DDAH1: variants seen among roughly 807,000 people sequenced by gnomAD.
DDAH1 encodes dimethylarginine dimethylaminohydrolase 1.
Under a neutral mutation model 28.8 loss-of-function variants are expected in DDAH1, and 19 were observed. The observed-to-expected ratio is 0.66, with a 90% confidence interval of 0.46 to 0.97. The LOEUF (loss-of-function observed/expected upper bound fraction) is 0.97, where lower values mean the gene tolerates loss of function less well. Among genes scored for constraint, DDAH1 ranks in the 50% least tolerant of loss-of-function variants. The probability of loss-of-function intolerance (pLI) is 0.00; values close to 1 mark genes in which losing one functional copy is unlikely to be tolerated. For synonymous variants in DDAH1, 153 were observed against 154.4 expected (o/e 0.99, Z 0.07); for missense variants, 326 against 375.9 (o/e 0.87, Z 1.10).
At chr1:85,506,280 G>A (rs527942236) in intron 1 of DDAH1, among the ~76,000 whole-genome samples, 3 of 152,170 alleles carry the variant, frequency 2.0e-5, no homozygotes, top group African/African-American at 7.2e-5. Flanking sequence ...AGAGAAGGAA[G>A]AATGACAAAG....
upstream of DDAH1, chr1:85,467,774 T>C (rs1294095776): frequency 6.6e-6 from 1 of 152,254 alleles, no homozygotes; most frequent in Non-Finnish European, 1.5e-5. Flanking sequence ...GAATATTTAT[T>C]GAAAATTCCC....
At chr1:85,449,625 T>C (rs1179704054) in intron 1 of DDAH1, among the ~76,000 whole-genome samples, 2 of 152,106 alleles carry the variant, frequency 1.3e-5, no homozygotes, top group African/African-American at 4.8e-5. Flanking sequence ...GGATAAACGA[T>C]ACTGCTGTTG....
rs74098816 is a variant in DDAH1 at position 85,400,544 on chromosome 1, T to A, written c.304-41697A>T. On this transcript the variant is annotated intron_variant, in intron 1 of 5. Coordinates refer to ENST00000284031, the MANE Select transcript of DDAH1 (RefSeq NM_012137.4). ...CTAAAATGTACATCTAATTAGAGAG[T>A]TTACTTTCTATAATATTGAATTAAC... Among the ~76,000 whole-genome samples, 1,024 of 152,110 alleles carry A rather than the reference T, an allele frequency of 6.7e-3. 11 individuals are homozygous for A. Among genetic ancestry groups the A allele is most frequent in the African/African-American group, 0.023 (969 of 41,488 alleles).
intron 2 of DDAH1, among the ~76,000 whole-genome samples, chr1:85,481,099 T>G (rs12732374): frequency 1.5e-3 from 40 of 26,686 alleles, no homozygotes; most frequent in Non-Finnish European, 2.5e-3. Flanking sequence ...GGGTTTTTTG[T>G]TTTTTTTTTT....
intron 2 of DDAH1, among the ~76,000 whole-genome samples, chr1:85,479,469 G>A (rs1655928228): frequency 6.6e-6 from 1 of 152,208 alleles, no homozygotes; most frequent in East Asian, 1.9e-4. Flanking sequence ...CACCGCGCCT[G>A]GCCCTGTTTT....
chr1:85,556,076 G>T (rs1658954896), intron 1 of DDAH1, among the ~76,000 whole-genome samples: 1 of 118,168 alleles, frequency 8.5e-6, no homozygotes, highest in South Asian at 2.4e-4. Context: ...CACCACCGCC[G>T]CCGCCTCCTC....
At chr1:85,516,856 C>A (rs571999433) in intron 1 of DDAH1, among the ~76,000 whole-genome samples, 1 of 152,144 alleles carries the variant, frequency 6.6e-6, no homozygotes, top group South Asian at 2.1e-4. Context: ...CTAAGTAGTT[C>A]TGTGTTTAGT....
Position 85,445,018 on chromosome 1 carries a change from C to T in DDAH1, c.303+19725G>A, listed in dbSNP as rs1351241822. ...ATGTTCTAGGGCAGGAAGCATCGCG[C>T]ACAGGAGAAAGATGTAGGCTGGGAG... On this transcript the variant is annotated intron_variant, in intron 1 of 5. Coordinates refer to ENST00000284031, the MANE Select transcript of DDAH1 (RefSeq NM_012137.4). Among the ~76,000 whole-genome samples, 3 of 152,176 alleles carry T rather than the reference C, an allele frequency of 2.0e-5. No individual in the cohort carries two copies. In the East Asian group the frequency reaches 5.8e-4, roughly 29 times the overall value.
rs557734743 is a variant in DDAH1, at chr1:85,525,164, T to C, written c.-122-28883A>G. Among the ~76,000 whole-genome samples, 355 of 151,954 alleles carry C rather than the reference T, an allele frequency of 2.3e-3. 2 individuals carry two copies. Among genetic ancestry groups the C allele is most frequent in the African/African-American group, 8.2e-3 (338 of 41,452 alleles). ...TGTAGAAATGCTGGAGATGCTGACT[T>C]TTTTTTCTTTATCGAATTGACTATT... On this transcript the variant is annotated intron_variant, in intron 1 of 6. Coordinates refer to the DDAH1 transcript ENST00000426972.
intron 2 of DDAH1, among the ~76,000 whole-genome samples, chr1:85,487,102 T>G (rs1028087604): frequency 1.3e-5 from 2 of 152,226 alleles, no homozygotes; most frequent in Admixed American, 1.3e-4. Flanking sequence ...TTTGTGTTCT[T>G]GGAAGAGAAA....
intron 1 of DDAH1, among the ~76,000 whole-genome samples, chr1:85,368,387 G>T (rs748001560): frequency 6.6e-6 from 1 of 152,150 alleles, no homozygotes; most frequent in Non-Finnish European, 1.5e-5. Flanking sequence ...TCATTATCTG[G>T]AGAATACACT....
intron 1 of DDAH1, among the ~76,000 whole-genome samples, chr1:85,414,586 T>C (rs1236550140): frequency 6.6e-6 from 1 of 152,106 alleles, no homozygotes; most frequent in East Asian, 1.9e-4. Context: ...AACAACTCAA[T>C]AGAAAAATGG....
chr1:85,365,268 A>G (rs1257927231), intron 1 of DDAH1, among the ~76,000 whole-genome samples: 1 of 152,188 alleles, frequency 6.6e-6, no homozygotes, highest in African/African-American at 2.4e-5. Context: ...CTAACCAACA[A>G]ATTTAGGTAT....
At chr1:85,378,016 T>A (rs978354252) in intron 1 of DDAH1, among the ~76,000 whole-genome samples, 2 of 152,188 alleles carry the variant, frequency 1.3e-5, no homozygotes, top group Admixed American at 1.3e-4. Context: ...TTATTGGACT[T>A]CATTCCTTAT....
At chr1:85,570,364 T>TCTCACACACA (rs1553149612) in intron 1 of DDAH1, among the ~76,000 whole-genome samples, 1 of 145,468 alleles carries the variant, frequency 6.9e-6, no homozygotes, top group Non-Finnish European at 1.5e-5. Context: ...ACACACACTG[T>TCTCACACACA]CACACACACA....
chr1:85,537,074 C>T (rs558274063), intron 1 of DDAH1, among the ~76,000 whole-genome samples: 3 of 151,124 alleles, frequency 2.0e-5, no homozygotes, highest in African/African-American at 7.3e-5. Context: ...AGTGCAGTGG[C>T]TCATGCCTGT....
chr1:85,479,695 G>T (rs1655939014), intron 2 of DDAH1, among the ~76,000 whole-genome samples: 1 of 152,162 alleles, frequency 6.6e-6, no homozygotes, highest in Non-Finnish European at 1.5e-5. Flanking sequence ...TCTGGAGGTG[G>T]GGTCAATGTG....
At chr1:85,515,117 T>C (rs517897) in intron 1 of DDAH1, among the ~76,000 whole-genome samples, 141,759 of 144,026 alleles carry the variant, frequency 0.98, 69,811 homozygotes, top group Middle Eastern at 1. Flanking sequence ...TGGCTGGGCA[T>C]GGTGGCTCAC....
At chr1:85,434,488 C>T (rs1313394090) in intron 1 of DDAH1, among the ~76,000 whole-genome samples, 1 of 151,878 alleles carries the variant, frequency 6.6e-6, no homozygotes, top group African/African-American at 2.4e-5. Flanking sequence ...ATGATCTTGG[C>T]TCACTGCAAC....
Sources: gnomAD v4.1 joint callset for allele counts (sites outside exome capture counted in the v4.1 genomes callset) on GRCh38, gnomAD v4.1.1 for gene constraint, MANE v1.5 for transcripts, NCBI Gene and HGNC (gene_info 2026-07-23, HGNC 2026-07-21) for gene names.